FBXL7: variants seen among roughly 807,000 people sequenced by gnomAD.
FBXL7 encodes the protein F-box/LRR-repeat protein 7.
Under a neutral mutation model 38.3 loss-of-function variants are expected in FBXL7, and 12 were observed. That is an observed-to-expected ratio of 0.31 (90% CI 0.20 to 0.51). FBXL7 has a LOEUF of 0.51. FBXL7 is among the 20% of genes least tolerant of loss of function. The pLI is 0.98. For missense variants in FBXL7, 567 were observed against 676.4 expected (o/e 0.84, Z 1.79); for synonymous variants, 297 against 300.9 (o/e 0.99, Z 0.13).
intron 1 of FBXL7, among the ~76,000 whole-genome samples, chr5:15,506,142 TTTCAC>T (rs1399883418): frequency 1.3e-5 from 2 of 152,090 alleles, no homozygotes; most frequent in Non-Finnish European, 2.9e-5. Flanking sequence ...ACTTTCAACT[TTTCAC>T]TTAAAGGAAG....
intron 2 of FBXL7, among the ~76,000 whole-genome samples, chr5:15,646,574 T>G (rs1741539817): frequency 6.6e-6 from 1 of 152,232 alleles, no homozygotes; most frequent in African/African-American, 2.4e-5. Flanking sequence ...CTTTGGCTGA[T>G]CTTATTCCCC....
intron 2 of FBXL7, among the ~76,000 whole-genome samples, chr5:15,902,536 T>C (rs1390169727): frequency 6.6e-6 from 1 of 152,236 alleles, no homozygotes; most frequent in Non-Finnish European, 1.5e-5. Flanking sequence ...AGATTTCACA[T>C]GTGATTTACT....
chr5:15,592,653 A>T (rs186718423), intron 1 of FBXL7, among the ~76,000 whole-genome samples: 1 of 152,270 alleles, frequency 6.6e-6, no homozygotes, highest in African/African-American at 2.4e-5. Context: ...GGATTTGAAG[A>T]CCGGGCTTAT....
At chr5:15,636,716 T>C in intron 2 of FBXL7, among the ~76,000 whole-genome samples, 1 of 152,028 alleles carries the variant, frequency 6.6e-6, no homozygotes, top group Non-Finnish European at 1.5e-5. Flanking sequence ...TCGCTGATTA[T>C]TTATGTTGGC....
rs1742292710 is a variant in FBXL7 at position 15,939,776 on chromosome 5, A to G, written c.*2590A>G. ...AAGCCTTAATTTACTACCAAGAAAT[A>G]AAGCAATATGTTCGTAATCAGCCTC... On this transcript the variant is annotated 3_prime_UTR_variant, in exon 4 of 4. Coordinates refer to ENST00000504595, the MANE Select transcript of FBXL7 (RefSeq NM_012304.5). 2 of 152,640 alleles carry G rather than the reference A, an allele frequency of 1.3e-5. No homozygotes were observed. The highest frequency in any genetic ancestry group is 2.9e-5 in the Non-Finnish European group (2 of 68,044). 9.5% of individuals were successfully genotyped at this position (152,640 alleles called of 1,614,324 possible). A position where few individuals can be genotyped will look rare whatever the true frequency, so the allele number is the denominator to read the frequency against.
intron 2 of FBXL7, among the ~76,000 whole-genome samples, chr5:15,837,037 G>A (rs1021753997): frequency 1.3e-5 from 2 of 152,110 alleles, no homozygotes; most frequent in African/African-American, 4.8e-5. Flanking sequence ...TCCAGAATTA[G>A]ATAGAATTAC....
intron 2 of FBXL7, among the ~76,000 whole-genome samples, chr5:15,683,420 G>A (rs535494230): frequency 8.5e-5 from 13 of 152,176 alleles, no homozygotes; most frequent in East Asian, 3.9e-4. Context: ...TGTGCTCTCC[G>A]TCACCCCCAG....
At chr5:15,684,036 G>T (rs1328991005) in intron 2 of FBXL7, among the ~76,000 whole-genome samples, 1 of 151,954 alleles carries the variant, frequency 6.6e-6, no homozygotes, top group East Asian at 1.9e-4. Flanking sequence ...TGATTGAGAT[G>T]ATTATTTAGA....
intron 2 of FBXL7, among the ~76,000 whole-genome samples, chr5:15,659,022 CT>C (rs1741974398): frequency 6.6e-6 from 1 of 152,176 alleles, no homozygotes; most frequent in South Asian, 2.1e-4. Flanking sequence ...CCCGTCCATC[CT>C]GACTTTTAAG....
At chr5:15,524,328 C>T (rs546495180) in intron 1 of FBXL7, among the ~76,000 whole-genome samples, 24 of 152,140 alleles carry the variant, frequency 1.6e-4, no homozygotes, top group Non-Finnish European at 2.5e-4. Flanking sequence ...TTTTATCGTC[C>T]GTTTGTGTGA....
chr5:15,724,168 C>A (rs576180989), intron 2 of FBXL7, among the ~76,000 whole-genome samples: 32 of 152,196 alleles, frequency 2.1e-4, no homozygotes, highest in African/African-American at 7.7e-4. Flanking sequence ...ATTGATTTTG[C>A]TATGTATTAA....
At chr5:15,853,594 T>C (rs1403695334) in intron 2 of FBXL7, among the ~76,000 whole-genome samples, 2 of 152,144 alleles carry the variant, frequency 1.3e-5, no homozygotes, top group Non-Finnish European at 2.9e-5. Context: ...GGAGGAGACC[T>C]TGTCGAGGAG....
chr5:15,675,629 C>T lies in FBXL7; in HGVS notation c.127+59557C>T, dbSNP rs184902979. ...TGCCCTCTCTCAGGGGGCTTCCATTCCCACCACTGATCACAGATTTGTTGG... is the reference window on the plus strand; with the variant it reads ...TGCCCTCTCTCAGGGGGCTTCCATTTCCACCACTGATCACAGATTTGTTGG... On this transcript the variant is annotated intron_variant, in intron 2 of 3. Coordinates refer to ENST00000504595, the MANE Select transcript of FBXL7 (RefSeq NM_012304.5). Among the ~76,000 whole-genome samples, 525 of 152,302 alleles carry T rather than the reference C, an allele frequency of 3.4e-3. 4 individuals carry two copies. Among genetic ancestry groups the T allele is most frequent in the African/African-American group, 0.012 (509 of 41,564 alleles).
At chr5:15,506,429 T>G (rs1736652656) in intron 1 of FBXL7, among the ~76,000 whole-genome samples, 1 of 152,166 alleles carries the variant, frequency 6.6e-6, no homozygotes, top group Non-Finnish European at 1.5e-5. Flanking sequence ...TCTGGAAATG[T>G]TTATTTACTA....
At chr5:15,708,329 T>A (rs986286478) in intron 2 of FBXL7, among the ~76,000 whole-genome samples, 1 of 152,234 alleles carries the variant, frequency 6.6e-6, no homozygotes, top group African/African-American at 2.4e-5. Flanking sequence ...GGTTCCCATT[T>A]CGAATCTCAT....
At chr5:15,634,503 G>GT (rs1024410314) in intron 2 of FBXL7, among the ~76,000 whole-genome samples, 6 of 118,120 alleles carry the variant, frequency 5.1e-5, no homozygotes, top group African/African-American at 2.1e-4. Flanking sequence ...TGTATTTTTA[G>GT]TTGGGGGGGG....
intron 2 of FBXL7, among the ~76,000 whole-genome samples, chr5:15,747,426 G>C (rs1052683512): frequency 6.6e-6 from 1 of 152,120 alleles, no homozygotes; most frequent in Non-Finnish European, 1.5e-5. Flanking sequence ...TTGCATCAGG[G>C]TCCAACCTAA....
intron 1 of FBXL7, among the ~76,000 whole-genome samples, chr5:15,610,475 C>A (rs1740195486): frequency 6.6e-6 from 1 of 152,192 alleles, no homozygotes; most frequent in East Asian, 1.9e-4. Context: ...CAGTTCCTTC[C>A]TGAGACAATA....
At chr5:15,898,881 A>G (rs1444332771) in intron 2 of FBXL7, among the ~76,000 whole-genome samples, 2 of 151,904 alleles carry the variant, frequency 1.3e-5, no homozygotes, top group Non-Finnish European at 2.9e-5. Flanking sequence ...CCAAGTATTT[A>G]TTTTTTGGCC....
Sources: gnomAD v4.1 joint callset for allele counts (sites outside exome capture counted in the v4.1 genomes callset) on GRCh38, gnomAD v4.1.1 for gene constraint, MANE v1.5 for transcripts, NCBI Gene and HGNC (gene_info 2026-07-23, HGNC 2026-07-21) for gene names.